Variants in ELAPOR2 observed in about 807,000 individuals in gnomAD.
ELAPOR2 encodes endosome/lysosome-associated apoptosis and autophagy regulator family member 2.
ELAPOR2 carries 89 observed loss-of-function variants against 120.7 expected under a neutral mutation model. The observed-to-expected ratio is 0.74, with a 90% confidence interval of 0.62 to 0.88. ELAPOR2 has a LOEUF of 0.88. Among genes scored for constraint, ELAPOR2 ranks in the 40% least tolerant of loss-of-function variants. The pLI is 0.00. For missense variants in ELAPOR2, 1,134 were observed against 1,251.6 expected (o/e 0.91, Z 1.42); for synonymous variants, 444 against 444.9 (o/e 1.00, Z 0.03).
At chr7:86,971,754 T>G (rs1489157182) in intron 1 of ELAPOR2, among the ~76,000 whole-genome samples, 4 of 152,126 alleles carry the variant, frequency 2.6e-5, no homozygotes, top group Non-Finnish European at 5.9e-5. Context: ...TCTAATTGAC[T>G]TATCAAGGCA....
At chr7:87,029,135 T>G (rs1022874323) in intron 1 of ELAPOR2, among the ~76,000 whole-genome samples, 2 of 152,222 alleles carry the variant, frequency 1.3e-5, no homozygotes, top group Non-Finnish European at 2.9e-5. Context: ...TTGTATAATG[T>G]CTATCTCTTT....
intron 1 of ELAPOR2, among the ~76,000 whole-genome samples, chr7:86,991,054 A>T (rs1161848246): frequency 6.6e-6 from 1 of 152,206 alleles, no homozygotes; most frequent in African/African-American, 2.4e-5. Flanking sequence ...TGTGTTTATT[A>T]ATCTATCATT....
chr7:86,918,178 T>A (rs1483656644), intron 12 of ELAPOR2, among the ~76,000 whole-genome samples: 1 of 151,906 alleles, frequency 6.6e-6, no homozygotes, highest in Non-Finnish European at 1.5e-5. Context: ...ACCAGATTAA[T>A]ATTCCCTGGC....
chr7:86,964,105 G>T (rs1215538444), intron 2 of ELAPOR2, among the ~76,000 whole-genome samples: 1 of 152,058 alleles, frequency 6.6e-6, no homozygotes, highest in African/African-American at 2.4e-5. Flanking sequence ...TCTTTCATTT[G>T]GAAACAGAAA....
chr7:86,932,099 G>A (rs969098239), intron 8 of ELAPOR2, among the ~76,000 whole-genome samples: 4 of 151,848 alleles, frequency 2.6e-5, no homozygotes, highest in African/African-American at 9.7e-5. Context: ...ATTCAAGCAA[G>A]GCCAATCAGA....
chr7:86,966,373 T>A (rs1248168254), intron 1 of ELAPOR2, among the ~76,000 whole-genome samples: 1 of 152,198 alleles, frequency 6.6e-6, no homozygotes, highest in Non-Finnish European at 1.5e-5. Context: ...TCAATATTTT[T>A]AAAAATATTC....
chr7:86,903,279 T>G (rs1201962347), intron 18 of ELAPOR2, among the ~76,000 whole-genome samples: 1 of 152,246 alleles, frequency 6.6e-6, no homozygotes, highest in African/African-American at 2.4e-5. Context: ...TTTCATTTCT[T>G]GATCAAAATG....
Position 86,914,853 on chromosome 7 carries a change from T to C in ELAPOR2, c.1601A>G (p.Asn534Ser). 1.2e-6 allele frequency: 2 copies of C among 1,609,128 alleles called. No homozygotes were observed. The highest frequency in any genetic ancestry group is 1.7e-6 in the Non-Finnish European group (2 of 1,177,766). Reference protein sequence around the residue: ...DCVLYFMVDINRKSTNVVESW... With the variant: ...DCVLYFMVDISRKSTNVVESW... ...TTCTACCACATTTGTACTTTTTCTA[T>C]TAATATCCTGAAATATAGTGGAAAA... The change falls in exon 13 of 22, where the codon AAT (asparagine) becomes AGT (serine). Residue 534 changes from asparagine to serine, a missense_variant. Asn to Ser is a conservative substitution (Grantham distance 46). Transcript: ENST00000450689.
In ELAPOR2 at chr7:86,940,616, T is replaced by G. The variant is rs185043328; in HGVS notation, c.742-501A>C. ...TCTTAGGGATAATCTGATTTAACTC[T>G]CTTACTCTAGAACATTAATAATACT... is the stretch of plus-strand genomic sequence containing the variant. On this transcript the variant is annotated intron_variant, in intron 5 of 21. Transcript: ENST00000450689. Among the ~76,000 whole-genome samples the G allele has an allele frequency of 3.7e-4, 56 of 152,210 alleles. No individual in the cohort carries two copies. In the East Asian group the frequency reaches 0.01, roughly 27 times the overall value.
intron 10 of ELAPOR2, among the ~76,000 whole-genome samples, chr7:86,920,483 G>A (rs1789778384): frequency 6.6e-6 from 1 of 152,038 alleles, no homozygotes; most frequent in Admixed American, 6.6e-5. Context: ...AGAAAGGGAG[G>A]ACTTTATGAA....
intron 1 of ELAPOR2, among the ~76,000 whole-genome samples, chr7:87,027,041 A>G (rs964917637): frequency 6.6e-6 from 1 of 152,120 alleles, no homozygotes; most frequent in African/African-American, 2.4e-5. Context: ...TTCTCTCTAT[A>G]CTAAAGGTGA....
At chr7:86,947,107 A>G (rs543918709) in intron 3 of ELAPOR2, among the ~76,000 whole-genome samples, 5 of 152,350 alleles carry the variant, frequency 3.3e-5, no homozygotes, top group African/African-American at 1.2e-4. Flanking sequence ...GGGTAGCCAG[A>G]GCCCTAAAGT....
At position 87,035,482 on chromosome 7, in the gene ELAPOR2, G is replaced by A. The variant is rs560945623; in HGVS notation, c.189+23843C>T. Among the ~76,000 whole-genome samples the A allele has an allele frequency of 3.9e-5, 6 of 152,284 alleles. No individual in the cohort carries two copies. In the South Asian group the frequency reaches 1.2e-3, roughly 32 times the overall value. On this transcript the variant is annotated intron_variant, in intron 1 of 21. Transcript: ENST00000450689. ...TGCACTTAATATATTTGAAGCTCATGTCATGGCCCCCTCAAGTCTACTCTA... is the reference window on the plus strand; with the variant it reads ...TGCACTTAATATATTTGAAGCTCATATCATGGCCCCCTCAAGTCTACTCTA...
intron 12 of ELAPOR2, 142 bp downstream of exon 12, chr7:86,918,300 T>C (rs1182561209): frequency 1.9e-6 from 1 of 539,780 alleles, no homozygotes; most frequent in Non-Finnish European, 3.3e-6. Context: ...TTTGTTAATG[T>C]TTGTGAAAGG....
intron 1 of ELAPOR2, among the ~76,000 whole-genome samples, chr7:87,036,028 C>G (rs1426055159): frequency 6.6e-6 from 1 of 152,170 alleles, no homozygotes; most frequent in Non-Finnish European, 1.5e-5. Context: ...ATATTAAGCA[C>G]AAAAGTATTG....
intron 1 of ELAPOR2, among the ~76,000 whole-genome samples, chr7:87,036,786 G>A (rs1794601108): frequency 6.6e-6 from 1 of 152,110 alleles, no homozygotes; most frequent in Admixed American, 6.5e-5. Context: ...CTATTAGAAA[G>A]GAAAGGGAAA....
At position 86,940,062 on chromosome 7, in the gene ELAPOR2, A is replaced by T; in HGVS notation, c.795T>A (p.Leu265=). 1 of 1,612,478 alleles carries T rather than the reference A, an allele frequency of 6.2e-7. No individual in the cohort carries two copies. The highest frequency in any genetic ancestry group is 8.5e-7 in the Non-Finnish European group (1 of 1,178,982). The change falls in exon 6 of 22, where the codon CTT becomes CTA. Residue 265 remains leucine (L), a synonymous_variant. Transcript: ENST00000450689. ...CAGGCTTGACCGCCTTAGAACCCAT[A>T]AGGATGCCTGTAGTTCTCCAGTAGA... is the stretch of plus-strand genomic sequence containing the variant. The part of the protein sequence containing the change: ...NILYWRTTGI[L]MGSKAVKPVL...
intron 19 of ELAPOR2, among the ~76,000 whole-genome samples, chr7:86,893,980 T>C (rs1788318607): frequency 6.6e-6 from 1 of 152,070 alleles, no homozygotes. Flanking sequence ...ATATAGGCAC[T>C]AATCTTTTAA....
intron 1 of ELAPOR2, among the ~76,000 whole-genome samples, chr7:87,008,294 G>A (rs540874030): frequency 6.6e-6 from 1 of 152,278 alleles, no homozygotes; most frequent in Admixed American, 6.5e-5. Context: ...CTTTTCAGAA[G>A]TATCAACATC....
Sources: allele counts gnomAD v4.1 joint callset (sites outside exome capture counted in the v4.1 genomes callset), GRCh38; gene constraint gnomAD v4.1.1; transcripts MANE v1.5; gene names NCBI Gene and HGNC (gene_info 2026-07-23, HGNC 2026-07-21).